The following DNM3 variants were observed in gnomAD, a reference collection of about 807,000 sequenced individuals.
DNM3 encodes dynamin 3.
Under a neutral mutation model 101.6 loss-of-function variants are expected in DNM3, and 47 were observed. That is an observed-to-expected ratio of 0.46 (90% CI 0.37 to 0.59). DNM3 has a LOEUF of 0.59. DNM3 is among the 20% of genes least tolerant of loss of function. DNM3 has a pLI of 0.00. For synonymous variants in DNM3, 385 were observed against 387.9 expected, an observed-to-expected ratio of 0.99 and a Z score of 0.09; for missense variants, 849 against 1,085.7, an observed-to-expected ratio of 0.78 and a Z score of 3.06.
chr1:171,842,135 C>G (rs1047669847), intron 1 of DNM3, among the ~76,000 whole-genome samples: 1 of 152,154 alleles, frequency 6.6e-6, no homozygotes. Context: ...GCTCGACCCC[C>G]ACCCCCTCGG....
intron 14 of DNM3, among the ~76,000 whole-genome samples, chr1:172,190,338 G>T (rs1308153624): frequency 6.6e-6 from 1 of 152,092 alleles, no homozygotes; most frequent in Non-Finnish European, 1.5e-5. Context: ...TAAAGGACAT[G>T]AACTCATCCT....
chr1:172,014,282 C>T (rs1442833325), intron 4 of DNM3, among the ~76,000 whole-genome samples: 4 of 152,118 alleles, frequency 2.6e-5, no homozygotes, highest in Admixed American at 2.6e-4. Flanking sequence ...GGAATGTAGA[C>T]ATAAAATTTT....
At chr1:172,056,602 G>T (rs1476803100) in intron 10 of DNM3, among the ~76,000 whole-genome samples, 3 of 152,232 alleles carry the variant, frequency 2.0e-5, no homozygotes, top group South Asian at 2.1e-4. Context: ...TCACACGGCA[G>T]GGTACTCCAA....
rs181033185 is a variant in DNM3 at position 172,366,981 on chromosome 1, T to C, written c.1894-12037T>C. On this transcript the variant is annotated intron_variant, in intron 17 of 20. Coordinates refer to ENST00000627582, the MANE Select transcript of DNM3 (RefSeq NM_015569.5). The stretch of plus-strand genomic sequence containing the variant: ...ACCTTTGCGTGTCTTGATAGAAATA[T>C]AGATATCTAGATCCAGGAAACTCAA... 2.4e-3 allele frequency among the ~76,000 whole-genome samples: 367 copies of C among 151,910 alleles called. 1 individual carries two copies. Among genetic ancestry groups the C allele is most frequent in the Middle Eastern group, 3.4e-3 (1 of 294 alleles).
intron 1 of DNM3, among the ~76,000 whole-genome samples, chr1:171,847,326 G>A (rs2032276005): frequency 6.6e-6 from 1 of 152,146 alleles, no homozygotes; most frequent in African/African-American, 2.4e-5. Flanking sequence ...AATATAAGTG[G>A]AAAGTAGACA....
chr1:172,389,773 C>G (rs2069417168), intron 20 of DNM3, among the ~76,000 whole-genome samples: 1 of 152,156 alleles, frequency 6.6e-6, no homozygotes, highest in Admixed American at 6.5e-5. Flanking sequence ...GCCTGAGCCA[C>G]CTTGCCAACT....
At chr1:172,153,473 A>G (rs1412477306) in intron 14 of DNM3, among the ~76,000 whole-genome samples, 3 of 152,162 alleles carry the variant, frequency 2.0e-5, no homozygotes, top group African/African-American at 7.2e-5. Context: ...CAATATATGC[A>G]TCAATCACAT....
chr1:172,316,163 A>T (rs2065342047), intron 16 of DNM3, among the ~76,000 whole-genome samples: 1 of 152,288 alleles, frequency 6.6e-6, no homozygotes, highest in African/African-American at 2.4e-5. Context: ...AGGAGAAATA[A>T]AATACTTCAC....
chr1:171,965,337 G>C (rs535944819), intron 2 of DNM3, among the ~76,000 whole-genome samples: 2 of 150,886 alleles, frequency 1.3e-5, no homozygotes, highest in South Asian at 4.2e-4. Context: ...GAGGCCAAGA[G>C]TTTGAGACCA....
chr1:172,084,248 T>G lies in DNM3; in HGVS notation c.1493+2346T>G, dbSNP rs1359026763. ...ATTAATCAAGTTATGTGGAAATCCT[T>G]TAAAAAAAACTATGGTGTAGTCTAT... On this transcript the variant is annotated intron_variant, in intron 12 of 20. Transcript: ENST00000627582. 1.3e-4 allele frequency among the ~76,000 whole-genome samples: 20 copies of G among 152,106 alleles called. 1 individual carries two copies. The highest frequency in any genetic ancestry group is 1.3e-3 in the Admixed American group (20 of 15,264).
intron 1 of DNM3, among the ~76,000 whole-genome samples, chr1:171,862,640 C>A (rs1399784627): frequency 1.3e-5 from 2 of 151,994 alleles, no homozygotes; most frequent in Non-Finnish European, 2.9e-5. Context: ...TAAAAATATT[C>A]TGGAATTAAA....
At chr1:172,187,053 C>T (rs931723252) in intron 14 of DNM3, among the ~76,000 whole-genome samples, 1 of 152,120 alleles carries the variant, frequency 6.6e-6, no homozygotes, top group African/African-American at 2.4e-5. Context: ...TTCTGCCTGC[C>T]TCTTAAGTGT....
intron 14 of DNM3, among the ~76,000 whole-genome samples, chr1:172,200,947 T>A (rs1254979529): frequency 6.6e-6 from 1 of 152,140 alleles, no homozygotes; most frequent in African/African-American, 2.4e-5. Context: ...CTCTGGCCAT[T>A]TTAGTTACCA....
At chr1:172,319,212 C>T (rs2065567075) in intron 16 of DNM3, among the ~76,000 whole-genome samples, 1 of 152,046 alleles carries the variant, frequency 6.6e-6, no homozygotes, top group African/African-American at 2.4e-5. Flanking sequence ...TGGATCCCTT[C>T]CTTACACCTT....
intron 13 of DNM3, among the ~76,000 whole-genome samples, chr1:172,117,782 T>C (rs531124839): frequency 6.6e-6 from 1 of 152,308 alleles, no homozygotes; most frequent in East Asian, 1.9e-4. Flanking sequence ...TCTTTTATTT[T>C]GACCCCTAGT....
At chr1:172,001,872 T>C (rs1247006980) in intron 4 of DNM3, among the ~76,000 whole-genome samples, 2 of 151,988 alleles carry the variant, frequency 1.3e-5, no homozygotes, top group East Asian at 1.9e-4. Context: ...TAAAAATCCA[T>C]GGGTGATGTA....
At chr1:171,982,191 A>G (rs1235071023) in intron 2 of DNM3, among the ~76,000 whole-genome samples, 1 of 152,180 alleles carries the variant, frequency 6.6e-6, no homozygotes, top group Non-Finnish European at 1.5e-5. Flanking sequence ...ACCGTGGTAA[A>G]CTATGGTATA....
intron 4 of DNM3, among the ~76,000 whole-genome samples, chr1:171,994,586 C>A (rs1490587280): frequency 6.6e-6 from 1 of 152,106 alleles, no homozygotes; most frequent in Non-Finnish European, 1.5e-5. Context: ...TGTGTTTGCA[C>A]AAAACCCCAA....
intron 4 of DNM3, among the ~76,000 whole-genome samples, chr1:172,001,811 C>T (rs1040297702): frequency 2.0e-5 from 3 of 151,944 alleles, no homozygotes; most frequent in Non-Finnish European, 4.4e-5. Flanking sequence ...TCCCTACATA[C>T]CTCCTTCAGC....
Sources: gnomAD v4.1 joint callset for allele counts (sites outside exome capture counted in the v4.1 genomes callset) on GRCh38, gnomAD v4.1.1 for gene constraint, MANE v1.5 for transcripts, NCBI Gene and HGNC (gene_info 2026-07-23, HGNC 2026-07-21) for gene names.